Variants in GAB2 observed in about 807,000 individuals in gnomAD.
The protein encoded by GAB2 is GRB2 associated binding protein 2, also known as GRB2-associated-binding protein 2.
GAB2 carries 26 observed loss-of-function variants against 65.5 expected under a neutral mutation model. That is an observed-to-expected ratio of 0.40 (90% CI 0.29 to 0.55). The LOEUF (loss-of-function observed/expected upper bound fraction) is 0.55, where lower values mean the gene tolerates loss of function less well. GAB2 is among the 20% of genes least tolerant of loss of function. The pLI is 0.53. For synonymous variants in GAB2, 321 were observed against 329.6 expected (o/e 0.97, Z 0.28); for missense variants, 884 against 875.8 (o/e 1.01, Z -0.12).
At chr11:78,248,469 A>C (rs574255828) in intron 3 of GAB2, among the ~76,000 whole-genome samples, 2 of 152,318 alleles carry the variant, frequency 1.3e-5, no homozygotes, top group Admixed American at 1.3e-4. Flanking sequence ...CATTTCAGTA[A>C]GATCTTCAGG....
intron 1 of GAB2, among the ~76,000 whole-genome samples, chr11:78,322,640 G>T (rs1371213014): frequency 6.6e-6 from 1 of 151,962 alleles, no homozygotes; most frequent in Non-Finnish European, 1.5e-5. Flanking sequence ...ATTATAAAGT[G>T]GGCAAAGGAC....
intron 2 of GAB2, among the ~76,000 whole-genome samples, chr11:78,263,449 C>T (rs888475810): frequency 1.1e-4 from 16 of 151,866 alleles, no homozygotes; most frequent in African/African-American, 2.9e-4. Context: ...CTGGCTAACA[C>T]GGTGAAACCC....
chr11:78,226,620 G>GGGGGGGGGGGGGGGGGGCC lies in GAB2; in HGVS notation c.1051_1052insGGCCCCCCCCCCCCCCCCC (p.Pro351ArgfsTer33). On this transcript the variant is annotated frameshift_variant, in exon 4 of 10. Coordinates refer to ENST00000361507, the MANE Select transcript of GAB2 (RefSeq NM_080491.3). LOFTEE classifies it high-confidence loss of function. ...ACTTGGCTTGGGGGGGCGGGGTGGGGGAGCTATGGCTGAGTCCCCAGGAGT... is the reference window on the plus strand; with the variant it reads ...ACTTGGCTTGGGGGGGCGGGGTGGGGGGGGGGGGGGGGGGGGGCCGAGCTATGGCTGAGTCCCCAGGAGT... 6.7e-7 allele frequency: 1 copy of GGGGGGGGGGGGGGGGGGCC among 1,500,520 alleles called. No homozygotes were observed. The highest frequency in any genetic ancestry group is 9.3e-7 in the Non-Finnish European group (1 of 1,078,998). 93.0% of individuals were successfully genotyped at this position (1,500,520 alleles called of 1,614,324 possible).
chr11:78,223,460 C>T lies in GAB2; in HGVS notation c.1519G>A (p.Glu507Lys). The T allele has an allele frequency of 6.3e-7, 1 of 1,588,588 alleles. No homozygotes were observed. Among genetic ancestry groups the T allele is most frequent in the South Asian group, 1.1e-5 (1 of 87,794 alleles). Residue 507 changes from glutamate to lysine, a missense_variant, in exon 6 of 10, where the codon GAG (glutamate) becomes AAG (lysine). Transcript: ENST00000361507. ...PVHRGPSRGS[E>K]IQPPPVNRNL... ...CGGTTGACAGGGGGTGGCTGAATCT[C>T]ACTTCCTCTGCTGGGGCCTCGGTGC... is the stretch of plus-strand genomic sequence containing the variant.
chr11:78,245,434 T>C (rs1261230678), intron 3 of GAB2, among the ~76,000 whole-genome samples: 1 of 152,212 alleles, frequency 6.6e-6, no homozygotes, highest in East Asian at 1.9e-4. Flanking sequence ...TGGTATCCTT[T>C]AAATGCTGAA....
At chr11:78,277,773 T>A (rs1018916438) in intron 2 of GAB2, among the ~76,000 whole-genome samples, 1 of 152,204 alleles carries the variant, frequency 6.6e-6, no homozygotes, top group Admixed American at 6.5e-5. Context: ...TGCCAATATA[T>A]AAAACTCCAG....
chr11:78,272,802 C>T (rs1204930097), intron 2 of GAB2, among the ~76,000 whole-genome samples: 12 of 152,226 alleles, frequency 7.9e-5, no homozygotes, highest in Admixed American at 7.8e-4. Flanking sequence ...ATTACAAGCC[C>T]AGAGGCCTAG....
At chr11:78,283,638 T>C (rs1159893453) in intron 1 of GAB2, among the ~76,000 whole-genome samples, 1 of 152,048 alleles carries the variant, frequency 6.6e-6, no homozygotes, top group Non-Finnish European at 1.5e-5. Flanking sequence ...ATCAAAGGTG[T>C]CAAAGACTTC....
chr11:78,291,706 T>A (rs1304803800), intron 1 of GAB2, among the ~76,000 whole-genome samples: 1 of 150,028 alleles, frequency 6.7e-6, no homozygotes, highest in Non-Finnish European at 1.5e-5. Context: ...CATTTAGCTG[T>A]GATCACAGGA....
chr11:78,284,140 A>AGCTGT (rs1866409325), intron 1 of GAB2, among the ~76,000 whole-genome samples: 2 of 152,160 alleles, frequency 1.3e-5, no homozygotes, highest in Non-Finnish European at 2.9e-5. Context: ...CCAAAAATCT[A>AGCTGT]TGTATCATAG....
In GAB2 at chr11:78,223,320, C is replaced by G. The variant is rs1182385603; in HGVS notation, c.1567+92G>C. ...TTACATGATTTGCCCCAAGTCACACCTCTCAAGTCCAGGATCCACATGACC... is the reference window on the plus strand; with the variant it reads ...TTACATGATTTGCCCCAAGTCACACGTCTCAAGTCCAGGATCCACATGACC... On this transcript the variant is annotated intron_variant, in intron 6 of 9. Transcript: ENST00000361507. 7 of 1,084,356 alleles carry G rather than the reference C, an allele frequency of 6.5e-6. No homozygotes were observed. In the South Asian group the frequency reaches 8.4e-5, roughly 13 times the overall value. The allele number at this position is 1,084,356 out of a possible 1,614,324, so 67.2% of individuals were successfully genotyped here.
chr11:78,375,873 C>T (rs1446669969), intron 1 of GAB2, among the ~76,000 whole-genome samples: 1 of 152,192 alleles, frequency 6.6e-6, no homozygotes, highest in East Asian at 1.9e-4. Flanking sequence ...ACAGACTCTC[C>T]ATTGGCTTCT....
At position 78,242,066 on chromosome 11, in the gene GAB2, GATATCACATCAAGC is replaced by G. The variant is rs1432087617; in HGVS notation, c.620+8077_620+8090del. On this transcript the variant is annotated intron_variant, in intron 3 of 9. Coordinates refer to ENST00000361507, the MANE Select transcript of GAB2 (RefSeq NM_080491.3). ...TAGGCCAAGAGATTTTAAAAGAATT[GATATCACATCAAGC>G]ATCTTTTCTAACCACAATGGAATAA... Among the ~76,000 whole-genome samples the G allele has an allele frequency of 2.0e-5, 3 of 152,186 alleles. No homozygotes were observed. In the East Asian group the frequency reaches 5.8e-4, roughly 29 times the overall value.
intron 4 of GAB2, among the ~76,000 whole-genome samples, chr11:78,226,223 C>T (rs1864644583): frequency 6.6e-6 from 1 of 152,158 alleles, no homozygotes; most frequent in Non-Finnish European, 1.5e-5. Context: ...TCCTATTCTC[C>T]ATTAGTAGAA....
intron 1 of GAB2, among the ~76,000 whole-genome samples, chr11:78,299,976 G>T (rs1387225912): frequency 1.3e-5 from 2 of 151,906 alleles, no homozygotes; most frequent in East Asian, 3.9e-4. Flanking sequence ...ATATAATTTA[G>T]ATAACGTAAA....
chr11:78,226,620 G>GGGGGGGGGGGGGCCC lies in GAB2; in HGVS notation c.1051_1052insGGGCCCCCCCCCCCC (p.Ala350_Pro351insArgAlaProProPro). Reference sequence around the variant, plus strand: ...ACTTGGCTTGGGGGGGCGGGGTGGGGGAGCTATGGCTGAGTCCCCAGGAGT... The same window carrying GGGGGGGGGGGGGCCC: ...ACTTGGCTTGGGGGGGCGGGGTGGGGGGGGGGGGGGGGCCCGAGCTATGGCTGAGTCCCCAGGAGT... On this transcript the variant is annotated inframe_insertion, in exon 4 of 10. Coordinates refer to ENST00000361507, the MANE Select transcript of GAB2 (RefSeq NM_080491.3). 2.0e-6 allele frequency: 3 copies of GGGGGGGGGGGGGCCC among 1,500,506 alleles called. No individual in the cohort carries two copies. Among genetic ancestry groups the GGGGGGGGGGGGGCCC allele is most frequent in the Non-Finnish European group, 2.8e-6 (3 of 1,078,976 alleles). The allele number at this position is 1,500,506 out of a possible 1,614,324, so 92.9% of individuals were successfully genotyped here.
At chr11:78,401,650 T>C (rs1019056530) in intron 1 of GAB2, among the ~76,000 whole-genome samples, 3 of 152,034 alleles carry the variant, frequency 2.0e-5, no homozygotes, top group African/African-American at 7.2e-5. Context: ...AGTATTCCAG[T>C]GTGTGTGCGT....
chr11:78,345,307 T>A (rs1856163294), intron 1 of GAB2, among the ~76,000 whole-genome samples: 1 of 152,064 alleles, frequency 6.6e-6, no homozygotes, highest in African/African-American at 2.4e-5. Context: ...CCCAAAATTG[T>A]AGAGACAATA....
In GAB2 at chr11:78,222,165, T is replaced by A; in HGVS notation, c.1598A>T (p.Asn533Ile). The A allele has an allele frequency of 6.2e-7, 1 of 1,614,046 alleles. No homozygotes were observed. The highest frequency in any genetic ancestry group is 8.5e-7 in the Non-Finnish European group (1 of 1,179,900). Residue 533 changes from asparagine (N) to isoleucine (I), a missense_variant, in exon 7 of 10, where the codon AAC becomes ATC. Coordinates refer to ENST00000361507, the MANE Select transcript of GAB2 (RefSeq NM_080491.3). ...AKPTPLDLRN[N>I]TVIDELPFKS... The stretch of plus-strand genomic sequence containing the variant: ...GAAGGGGAGTTCATCGATGACGGTG[T>A]TGTTCCTCAGGTCAAGTGGTGTTGG...
Sources: gnomAD v4.1 joint callset for allele counts (sites outside exome capture counted in the v4.1 genomes callset) on GRCh38, gnomAD v4.1.1 for gene constraint, MANE v1.5 for transcripts, NCBI Gene and HGNC (gene_info 2026-07-23, HGNC 2026-07-21) for gene names.